IFFO2: variants seen among roughly 807,000 people sequenced by gnomAD.
IFFO2 encodes the protein intermediate filament family orphan 2.
Under a neutral mutation model 53.5 loss-of-function variants are expected in IFFO2, and 19 were observed. The observed-to-expected ratio is 0.36, with a 90% confidence interval of 0.25 to 0.52. The LOEUF (loss-of-function observed/expected upper bound fraction) is 0.52. IFFO2 is among the 20% of genes least tolerant of loss of function. The pLI, the probability that IFFO2 is intolerant of heterozygous loss-of-function variation, is 0.94. For missense variants in IFFO2, 570 were observed against 727.4 expected, an observed-to-expected ratio of 0.78 and a Z score of 2.49; for synonymous variants, 303 against 313.6, an observed-to-expected ratio of 0.97 and a Z score of 0.36.
chr1:18,945,073 C>T (rs1489424306), intron 1 of IFFO2, among the ~76,000 whole-genome samples: 1 of 152,134 alleles, frequency 6.6e-6, no homozygotes, highest in African/African-American at 2.4e-5. Flanking sequence ...TACACGCTGT[C>T]CTCTCTATCT....
chr1:18,950,943 G>A (rs1936652309), intron 1 of IFFO2, among the ~76,000 whole-genome samples: 1 of 152,184 alleles, frequency 6.6e-6, no homozygotes, highest in African/African-American at 2.4e-5. Flanking sequence ...CATACAAAAA[G>A]GTGGAAAGAA....
Position 18,918,662 on chromosome 1 carries a change from G to A in IFFO2, c.823-160C>T, listed in dbSNP as rs1194755545. 7.9e-5 allele frequency among the ~76,000 whole-genome samples: 12 copies of A among 152,002 alleles called. No homozygotes were observed. The South Asian group carries it at 2.3e-3, about 29-fold the overall frequency. Reference sequence around the variant, plus strand: ...GCTTTTCCGTGGAGTGGAGGGCTGCGGCGGCACTGGTCAGGGTGGGATGGG... The same window carrying A: ...GCTTTTCCGTGGAGTGGAGGGCTGCAGCGGCACTGGTCAGGGTGGGATGGG... On this transcript the variant is annotated intron_variant, in intron 3 of 8. Coordinates refer to ENST00000455833, the MANE Select transcript of IFFO2 (RefSeq NM_001136265.2). This position sits in a 1 kb window ranked among gnomAD's most constrained non-coding sequence, Gnocchi z 5.2.
intron 1 of IFFO2, among the ~76,000 whole-genome samples, chr1:18,934,919 C>G (rs1176222197): frequency 6.6e-6 from 1 of 152,186 alleles, no homozygotes; most frequent in Non-Finnish European, 1.5e-5. Context: ...ACCTTTGTAC[C>G]CTCACATTTG....
chr1:18,927,052 CT>C lies in IFFO2; in HGVS notation c.666-5932del, dbSNP rs374887106. On this transcript the variant is annotated intron_variant, in intron 1 of 8. Coordinates refer to ENST00000455833, the MANE Select transcript of IFFO2 (RefSeq NM_001136265.2). ...CGTGATCTTGAGCAAGTCAGTTACC[CT>C]CTCTGGGCCTCAGTTGTCCCCTCTG... Among the ~76,000 whole-genome samples, 48 of 152,310 alleles carry C rather than the reference CT, an allele frequency of 3.2e-4. No individual in the cohort carries two copies. The East Asian group carries it at 8.7e-3, about 28-fold the overall frequency.
At chr1:18,909,618 T>G (rs948305113) in intron 8 of IFFO2, among the ~76,000 whole-genome samples, 4 of 151,824 alleles carry the variant, frequency 2.6e-5, no homozygotes, top group Non-Finnish European at 4.4e-5. Flanking sequence ...TAAGGGGGGG[T>G]TTCCCCTTTG....
intron 1 of IFFO2, among the ~76,000 whole-genome samples, chr1:18,923,901 A>C (rs1378224557): frequency 6.6e-6 from 1 of 152,068 alleles, no homozygotes; most frequent in Admixed American, 6.6e-5. Context: ...TCCTGCCCCG[A>C]GTTCTGCACC....
chr1:18,954,294 T>C (rs1050908240), intron 1 of IFFO2, among the ~76,000 whole-genome samples: 1 of 152,220 alleles, frequency 6.6e-6, no homozygotes, highest in African/African-American at 2.4e-5. Flanking sequence ...AGCATCACCA[T>C]CCTGCTGTCT....
Position 18,917,558 on chromosome 1 carries a change from G to A in IFFO2, c.964-516C>T, listed in dbSNP as rs535131570. Among the ~76,000 whole-genome samples the A allele has an allele frequency of 9.8e-5, 15 of 152,320 alleles. No homozygotes were observed. Among genetic ancestry groups the A allele is most frequent in the African/African-American group, 3.6e-4 (15 of 41,564 alleles). On this transcript the variant is annotated intron_variant, in intron 4 of 8. Coordinates refer to ENST00000455833, the MANE Select transcript of IFFO2 (RefSeq NM_001136265.2). This position sits in a 1 kb window ranked among gnomAD's most constrained non-coding sequence, Gnocchi z 5.9. Reference sequence around the variant, plus strand: ...CTGCGTTGGCCTCCCCTGCTTCCCGGCAGAGGGACAGCAAGAAGGCATGGA... The same window carrying A: ...CTGCGTTGGCCTCCCCTGCTTCCCGACAGAGGGACAGCAAGAAGGCATGGA...
In IFFO2 at chr1:18,916,861, A is replaced by G. The variant is rs1355418505; in HGVS notation, c.1103+42T>C. The G allele has an allele frequency of 1.9e-6, 3 of 1,547,430 alleles. No homozygotes were observed. The highest frequency in any genetic ancestry group is 2.7e-5 in the African/African-American group (2 of 72,964). On this transcript the variant is annotated intron_variant, in intron 5 of 8. Transcript: ENST00000455833. This position sits in a 1 kb window ranked among gnomAD's most constrained non-coding sequence, Gnocchi z 4.3. ...CCCATTCACCGCCCCTGTGCAAGCAATCCGGGGAAACGGAGAGTGTGCGGG... is the reference window on the plus strand; with the variant it reads ...CCCATTCACCGCCCCTGTGCAAGCAGTCCGGGGAAACGGAGAGTGTGCGGG...
At chr1:18,930,843 A>C (rs1236813361) in intron 1 of IFFO2, among the ~76,000 whole-genome samples, 1 of 152,192 alleles carries the variant, frequency 6.6e-6, no homozygotes, top group East Asian at 1.9e-4. Context: ...CCAGGTTCCC[A>C]GCATCACTGC....
chr1:18,928,610 A>G lies in IFFO2; in HGVS notation c.666-7489T>C, dbSNP rs539060550. 1.3e-5 allele frequency among the ~76,000 whole-genome samples: 2 copies of G among 152,286 alleles called. No homozygotes were observed. Among genetic ancestry groups the G allele is most frequent in the East Asian group, 3.9e-4 (2 of 5,184 alleles). On this transcript the variant is annotated intron_variant, in intron 1 of 8. Transcript: ENST00000455833. The surrounding 1 kb of genome is among the most constrained non-coding windows in gnomAD (Gnocchi z 4.9). ...GGATCCCAGCGTGCCAGGTCTGCGC[A>G]AGGCTGCTCAGGGGAGAGGCAGAGG...
At chr1:18,948,532 G>A (rs979006422) in intron 1 of IFFO2, among the ~76,000 whole-genome samples, 1 of 152,202 alleles carries the variant, frequency 6.6e-6, no homozygotes, top group Non-Finnish European at 1.5e-5. Context: ...ACCCTCTCTT[G>A]TACCAGGTCT....
At chr1:18,941,345 T>TG (rs1936517684) in intron 1 of IFFO2, among the ~76,000 whole-genome samples, 1 of 152,174 alleles carries the variant, frequency 6.6e-6, no homozygotes, top group Admixed American at 6.5e-5. Flanking sequence ...TTTCCCACCT[T>TG]GGGGGGTGAT....
At chr1:18,954,797 G>A (rs535907400) in intron 1 of IFFO2, among the ~76,000 whole-genome samples, 6 of 152,230 alleles carry the variant, frequency 3.9e-5, no homozygotes, top group Non-Finnish European at 8.8e-5. Flanking sequence ...GGCCAGTCTT[G>A]CAGAGTCTGG....
rs959344687 is a variant in IFFO2 at position 18,916,602 on chromosome 1, C to CA, written c.1103+300dup. 2.0e-5 allele frequency among the ~76,000 whole-genome samples: 3 copies of CA among 152,052 alleles called. No homozygotes were observed. Among genetic ancestry groups the CA allele is most frequent in the South Asian group, 2.1e-4 (1 of 4,810 alleles). On this transcript the variant is annotated intron_variant, in intron 5 of 8. Transcript: ENST00000455833. The surrounding 1 kb of genome is among the most constrained non-coding windows in gnomAD (Gnocchi z 4.3). Reference sequence around the variant, plus strand: ...GCAACACAGTGAGACCCTGTCTCTACAAAAAAATTTAAAAATTAGCTGGGC... The same window carrying CA: ...GCAACACAGTGAGACCCTGTCTCTACAAAAAAAATTTAAAAATTAGCTGGGC...
chr1:18,911,503 TTTA>T (rs1936037477), intron 6 of IFFO2, 27 bp from the exon 7 acceptor site: 2 of 856,220 alleles, frequency 2.3e-6, no homozygotes, highest in Non-Finnish European at 3.3e-6. Context: ...AACGGGACAG[TTTA>T]TTTTATTTAT....
chr1:18,948,255 C>A (rs1051705911), intron 1 of IFFO2, among the ~76,000 whole-genome samples: 1 of 152,194 alleles, frequency 6.6e-6, no homozygotes, highest in African/African-American at 2.4e-5. Flanking sequence ...AAGCAGAACT[C>A]GTAAGAAACC....
Position 18,905,690 on chromosome 1 carries a change from T to A in IFFO2, c.*2871A>T, listed in dbSNP as rs1227970678. Reference sequence around the variant, plus strand: ...GTTCGGAGTCTCAGAGGAGTGCGAGTGTGTGTGTGTGTGTGTGTGTGTGTG... The same window carrying A: ...GTTCGGAGTCTCAGAGGAGTGCGAGAGTGTGTGTGTGTGTGTGTGTGTGTG... On this transcript the variant is annotated 3_prime_UTR_variant, in exon 9 of 9. Transcript: ENST00000455833. 6.6e-5 allele frequency: 4 copies of A among 60,386 alleles called. No homozygotes were observed. The highest frequency in any genetic ancestry group is 1.1e-4 in the Non-Finnish European group (4 of 36,210). The allele number at this position is 60,386 out of a possible 1,614,324, so 3.7% of individuals were successfully genotyped here. A position where few individuals can be genotyped will look rare whatever the true frequency, so the allele number is the denominator to read the frequency against.
rs563660501 is a variant in IFFO2, at chr1:18,954,735, G to A, written c.665+933C>T. 3.9e-5 allele frequency among the ~76,000 whole-genome samples: 6 copies of A among 152,364 alleles called. No homozygotes were observed. The East Asian group carries it at 1.2e-3, about 29-fold the overall frequency. On this transcript the variant is annotated intron_variant, in intron 1 of 8. Coordinates refer to ENST00000455833, the MANE Select transcript of IFFO2 (RefSeq NM_001136265.2). The stretch of plus-strand genomic sequence containing the variant: ...GTATTGTCGGCCAGACTGCAGACAG[G>A]AAGCAATGACAGTTTCCCAGCTGGG...
Sources: allele counts gnomAD v4.1 joint callset (sites outside exome capture counted in the v4.1 genomes callset), GRCh38; gene constraint gnomAD v4.1.1; non-coding constraint Gnocchi (gnomAD v3.1); transcripts MANE v1.5; gene names NCBI Gene and HGNC (gene_info 2026-07-23, HGNC 2026-07-21).